Variants in POPDC2 observed in about 807,000 individuals in gnomAD.
POPDC2 encodes the protein popeye domain cAMP effector 2.
Under a neutral mutation model 30.5 loss-of-function variants are expected in POPDC2, and 24 were observed. That is an observed-to-expected ratio of 0.79 (90% CI 0.57 to 1.11). POPDC2 has a LOEUF of 1.11. Among genes scored for constraint, POPDC2 ranks in the 50% least tolerant of loss-of-function variants. The pLI is 0.00. For synonymous variants in POPDC2, 185 were observed against 183.3 expected, an observed-to-expected ratio of 1.01 and a Z score of -0.07; for missense variants, 409 against 447.0, an observed-to-expected ratio of 0.91 and a Z score of 0.77.
At chr3:119,659,365 T>G (rs2107825564) in intron 1 of POPDC2, among the ~76,000 whole-genome samples, 1 of 152,290 alleles carries the variant, frequency 6.6e-6, no homozygotes, top group East Asian at 1.9e-4. Flanking sequence ...GTATTCACTC[T>G]CCCTACCTGG....
intron 3 of POPDC2, among the ~76,000 whole-genome samples, chr3:119,647,521 A>C (rs2052758751): frequency 6.6e-6 from 1 of 152,230 alleles, no homozygotes; most frequent in African/African-American, 2.4e-5. Flanking sequence ...CTATCTGATC[A>C]TAGTAACATT....
chr3:119,649,636 T>C (rs1054409972), intron 2 of POPDC2, among the ~76,000 whole-genome samples: 7 of 152,118 alleles, frequency 4.6e-5, no homozygotes, highest in Non-Finnish European at 8.8e-5. Flanking sequence ...ACAGTGGAAA[T>C]GATGATGATA....
chr3:119,645,113 T>G (rs982476499), intron 3 of POPDC2, among the ~76,000 whole-genome samples: 3 of 152,244 alleles, frequency 2.0e-5, no homozygotes, highest in African/African-American at 7.2e-5. Flanking sequence ...CTCCCTATAT[T>G]GCAAATTCCG....
rs115345678 is a variant in POPDC2, at chr3:119,654,459, A to C, written c.600+46T>G. The C allele has an allele frequency of 8.9e-4, 1,140 of 1,276,696 alleles. 6 individuals are homozygous for C. In the African/African-American group the frequency reaches 0.014, roughly 16 times the overall value. The allele number at this position is 1,276,696 out of a possible 1,614,324, so 79.1% of individuals were successfully genotyped here. On this transcript the variant is annotated intron_variant, in intron 2 of 3. Coordinates refer to ENST00000493094, the MANE Select transcript of POPDC2 (RefSeq NM_001369919.2). The stretch of plus-strand genomic sequence containing the variant: ...ATGGAGGCACGGATATTGCTGGGCT[A>C]CAGTGGGATGGGGTGAGGCGGTGCT...
intron 1 of POPDC2, among the ~76,000 whole-genome samples, chr3:119,656,501 G>A (rs1054228646): frequency 5.9e-5 from 9 of 152,130 alleles, no homozygotes; most frequent in African/African-American, 1.9e-4. Context: ...TTGTACCCTT[G>A]TGGCTGTACC....
chr3:119,651,439 T>C (rs1455208715), intron 2 of POPDC2, among the ~76,000 whole-genome samples: 1 of 152,294 alleles, frequency 6.6e-6, no homozygotes, highest in Non-Finnish European at 1.5e-5. Context: ...CTATGGCTTT[T>C]TGTCTCCCCC....
rs1014382991 is a variant in POPDC2 at position 119,660,126 on chromosome 3, G to T, written c.298C>A (p.Arg100Ser). 1.1e-5 allele frequency: 17 copies of T among 1,614,092 alleles called. No individual in the cohort carries two copies. The highest frequency in any genetic ancestry group is 1.4e-5 in the Non-Finnish European group (17 of 1,180,036). Residue 100 changes from arginine (R) to serine (S), a missense_variant, in exon 1 of 4, where the codon CGT becomes AGT. Coordinates refer to ENST00000493094, the MANE Select transcript of POPDC2 (RefSeq NM_001369919.2). ...LQLAHLVYRL[R>S]EDTLPEEFDL... The stretch of plus-strand genomic sequence containing the variant: ...AACTCCTCAGGGAGGGTGTCCTCAC[G>T]CAGGCGGTATACCAGGTGTGCCAGC...
rs973386971 is a variant in POPDC2, at chr3:119,648,259, C to T, written c.1010G>A (p.Gly337Asp). The T allele has an allele frequency of 4.3e-6, 7 of 1,613,382 alleles. No homozygotes were observed. The Admixed American group carries it at 5.0e-5, about 12-fold the overall frequency. ...CAGCACCAGACTGGTGGAGTCCTCA[C>T]CCAGTATGCCACTGTCTGGCCTGGA... ...RLSRPDSGILGEDSTSLVLED... is the reference protein window; with the variant it reads ...RLSRPDSGILDEDSTSLVLED... The change falls in exon 3 of 4, where the codon GGT becomes GAT. Residue 337 changes from glycine (G) to aspartate (D), a missense_variant. Coordinates refer to ENST00000493094, the MANE Select transcript of POPDC2 (RefSeq NM_001369919.2).
intron 2 of POPDC2, among the ~76,000 whole-genome samples, chr3:119,650,118 C>CAAA (rs1365101547): frequency 6.6e-6 from 1 of 152,208 alleles, no homozygotes; most frequent in Non-Finnish European, 1.5e-5. Context: ...GAACAATTCC[C>CAAA]AAACAAGAAA....
rs528978449 is a variant in POPDC2 at position 119,648,345 on chromosome 3, G to T, written c.924C>A (p.Pro308=). 1 of 1,614,164 alleles carries T rather than the reference G, an allele frequency of 6.2e-7. No homozygotes were observed. Among genetic ancestry groups the T allele is most frequent in the South Asian group, 1.1e-5 (1 of 91,084 alleles). The change falls in exon 3 of 4, where the codon CCC becomes CCA. Residue 308 remains proline (P), a synonymous_variant. Coordinates refer to ENST00000493094, the MANE Select transcript of POPDC2 (RefSeq NM_001369919.2). Reference sequence around the variant, plus strand: ...TGGTAGCTGGAGGGGTAGAACAAGGGGGTGTTTGCTGGAGAGAGGTGGGTG... The same window carrying T: ...TGGTAGCTGGAGGGGTAGAACAAGGTGGTGTTTGCTGGAGAGAGGTGGGTG... The part of the protein sequence containing the change: ...QATPTSLQQT[P]PCSTPPATTN...
In POPDC2 at chr3:119,648,295, C is replaced by T. The variant is rs762501897; in HGVS notation, c.974G>A (p.Arg325Gln). The stretch of plus-strand genomic sequence containing the variant: ...ACTGTCTGGCCTGGACAACCTGGCC[C>T]GGGTAGGAGGTGCAGGAAAGTTGGT... ...ATTNFPAPPT[R>Q]ARLSRPDSGI... is the part of the protein sequence containing the mutation. Residue 325 changes from arginine (R) to glutamine (Q), a missense_variant, in exon 3 of 4, where the codon CGG becomes CAG. By Grantham distance (43) the Arg-to-Gln change is conservative. Coordinates refer to ENST00000493094, the MANE Select transcript of POPDC2 (RefSeq NM_001369919.2). 1.2e-5 allele frequency: 19 copies of T among 1,613,848 alleles called. No homozygotes were observed. The highest frequency in any genetic ancestry group is 1.6e-4 in the Middle Eastern group (1 of 6,084).
intron 3 of POPDC2, chr3:119,643,225 G>A (rs932073484): frequency 3.2e-6 from 2 of 619,092 alleles, no homozygotes; most frequent in Non-Finnish European, 2.9e-6. Flanking sequence ...AGCTGCTTCT[G>A]AGGGGAAGAG....
At chr3:119,644,143 A>T (rs1215541875) in intron 3 of POPDC2, among the ~76,000 whole-genome samples, 9 of 152,142 alleles carry the variant, frequency 5.9e-5, no homozygotes, top group Non-Finnish European at 4.4e-5. Flanking sequence ...TCCTTCCCTT[A>T]CCTCGAGTGT....
In POPDC2 at chr3:119,648,399, A is replaced by G; in HGVS notation, c.870T>C (p.Cys290=). 1 of 1,614,186 alleles carries G rather than the reference A, an allele frequency of 6.2e-7. No homozygotes were observed. Among genetic ancestry groups the G allele is most frequent in the Non-Finnish European group, 8.5e-7 (1 of 1,180,042 alleles). The change falls in exon 3 of 4, where the codon TGT becomes TGC. Residue 290 remains cysteine, a synonymous_variant. Coordinates refer to ENST00000493094, the MANE Select transcript of POPDC2 (RefSeq NM_001369919.2). ...PESEKGDEEV[C]EPAVSPPQAT... is the part of the protein sequence containing the mutation. ...CCTGAGGAGGGGACACAGCTGGCTCACAGACTTCCTCATCACCCTTCTCGG... is the reference window on the plus strand; with the variant it reads ...CCTGAGGAGGGGACACAGCTGGCTCGCAGACTTCCTCATCACCCTTCTCGG...
At chr3:119,654,232 A>G (rs974812686) in intron 2 of POPDC2, among the ~76,000 whole-genome samples, 24 of 152,222 alleles carry the variant, frequency 1.6e-4, no homozygotes, top group Non-Finnish European at 1.0e-4. Flanking sequence ...ACCCTATAAC[A>G]AGTGTGGGTT....
chr3:119,648,544 GA>G lies in POPDC2; in HGVS notation c.724del (p.Ser242GlnfsTer126). The G allele has an allele frequency of 1.2e-6, 2 of 1,614,128 alleles. No homozygotes were observed. The highest frequency in any genetic ancestry group is 1.7e-6 in the Non-Finnish European group (2 of 1,180,010). On this transcript the variant is annotated frameshift_variant, in exon 3 of 4. Transcript: ENST00000493094. LOFTEE classifies it high-confidence loss of function. ...LFSALLGYDI[S>X]EKLYTLNDKL... ...GTCATTGAGAGTGTAGAGCTTCTCT[GA>G]GATGTCATATCCCAGCAGAGCCGAG...
At chr3:119,646,940 G>A (rs1419461231) in intron 3 of POPDC2, among the ~76,000 whole-genome samples, 1 of 152,144 alleles carries the variant, frequency 6.6e-6, no homozygotes, top group Non-Finnish European at 1.5e-5. Flanking sequence ...CACACTTCGG[G>A]GAACTCAACA....
chr3:119,643,332 A>G, intron 3 of POPDC2: 2 of 1,364,340 alleles, frequency 1.5e-6, no homozygotes, highest in Admixed American at 2.0e-5. Flanking sequence ...AAGAGCTAGC[A>G]CATGTTTTCT....
chr3:119,642,583 G>C, intron 3 of POPDC2, 22 bp from the exon 4 acceptor site: 1 of 1,513,678 alleles, frequency 6.6e-7, no homozygotes, highest in South Asian at 1.1e-5. Flanking sequence ...AAAAGAGGGA[G>C]GATTTTAGCA....
Sources: allele counts gnomAD v4.1 joint callset (sites outside exome capture counted in the v4.1 genomes callset), GRCh38; gene constraint gnomAD v4.1.1; transcripts MANE v1.5; gene names NCBI Gene and HGNC (gene_info 2026-07-23, HGNC 2026-07-21).